Variants in LIN28B observed in about 807,000 individuals in gnomAD.
LIN28B encodes protein lin-28 homolog B.
A neutral mutation model predicts 21.9 loss-of-function variants in LIN28B; 5 were observed. The ratio of observed to expected loss-of-function variants is 0.23; its 90% CI spans 0.12 to 0.48. The LOEUF is 0.48. Ranked by LOEUF, LIN28B falls within the 20% of genes least tolerant of loss-of-function variation. The pLI, the probability that LIN28B is intolerant of heterozygous loss-of-function variation, is 0.98. For missense variants in LIN28B, 245 were observed against 310.5 expected (o/e 0.79, Z 1.58); for synonymous variants, 109 against 111.3 (o/e 0.98, Z 0.13).
At chr6:104,968,073 G>A (rs180952234) in intron 2 of LIN28B, among the ~76,000 whole-genome samples, 1 of 152,154 alleles carries the variant, frequency 6.6e-6, no homozygotes, top group Admixed American at 6.5e-5. Context: ...TTTAAAAAAT[G>A]ATTATAAAAA....
At chr6:105,030,546 T>C (rs960690334) in intron 3 of LIN28B, among the ~76,000 whole-genome samples, 1 of 151,958 alleles carries the variant, frequency 6.6e-6, no homozygotes, top group African/African-American at 2.4e-5. Context: ...AGATAATGTA[T>C]TGTATTTCAA....
Position 105,071,177 on chromosome 6 carries a change from C to T in LIN28B, c.384-7237C>T, listed in dbSNP as rs544846711. ...ACAGGCATGAGCCACTGCACCCGGC[C>T]GGTTTTTACATGCATTTGAAAATGC... On this transcript the variant is annotated intron_variant, in intron 3 of 3. Transcript: ENST00000345080. Among the ~76,000 whole-genome samples the T allele has an allele frequency of 7.9e-5, 12 of 152,176 alleles. No homozygotes were observed. In the South Asian group the frequency reaches 8.3e-4, roughly 11 times the overall value.
At chr6:104,947,104 C>T (rs1340701741) in intron 2 of LIN28B, among the ~76,000 whole-genome samples, 3 of 152,142 alleles carry the variant, frequency 2.0e-5, no homozygotes, top group Non-Finnish European at 2.9e-5. Context: ...CTTCATTTAT[C>T]TGAGCTTAAC....
At position 104,949,130 on chromosome 6, in the gene LIN28B, T is replaced by C. The variant is rs574253495; in HGVS notation, c.19-1331T>C. ...TTCTCTAAATATAAGCAGATAGGAT[T>C]AAGAATAGGCTGTGGACTATTAGAA... On this transcript the variant is annotated intron_variant, in intron 2 of 5. Transcript: ENST00000635857. Among the ~76,000 whole-genome samples, 6 of 152,318 alleles carry C rather than the reference T, an allele frequency of 3.9e-5. No homozygotes were observed. In the South Asian group the frequency reaches 1.2e-3, roughly 32 times the overall value.
chr6:105,034,619 A>G (rs1167148886), intron 3 of LIN28B, among the ~76,000 whole-genome samples: 2 of 152,080 alleles, frequency 1.3e-5, no homozygotes, highest in Admixed American at 1.3e-4. Context: ...AGTCAGTACT[A>G]AAATGGTACA....
chr6:105,036,140 A>G (rs895755266), intron 3 of LIN28B, among the ~76,000 whole-genome samples: 1 of 152,098 alleles, frequency 6.6e-6, no homozygotes, highest in African/African-American at 2.4e-5. Context: ...ACTCCGAACT[A>G]TAGATCAGTT....
intron 3 of LIN28B, among the ~76,000 whole-genome samples, chr6:105,070,969 T>A (rs957367007): frequency 6.6e-6 from 1 of 152,082 alleles, no homozygotes; most frequent in Non-Finnish European, 1.5e-5. Flanking sequence ...CTCTGCCTCC[T>A]GGGTTCAAGC....
intron 2 of LIN28B, among the ~76,000 whole-genome samples, chr6:104,944,325 C>T (rs1479961661): frequency 2.6e-5 from 4 of 152,000 alleles, no homozygotes; most frequent in Non-Finnish European, 2.9e-5. Context: ...TTTTAAAAAC[C>T]CGTTTAAGCA....
intron 3 of LIN28B, chr6:105,045,566 G>T (rs886334190): frequency 6.6e-6 from 1 of 152,112 alleles, no homozygotes; most frequent in African/African-American, 2.4e-5. Context: ...GATAATAGGT[G>T]TAAGCCACCA....
At chr6:105,070,012 C>T (rs977904617) in intron 3 of LIN28B, among the ~76,000 whole-genome samples, 23 of 152,098 alleles carry the variant, frequency 1.5e-4, no homozygotes, top group African/African-American at 5.3e-4. Context: ...TCCCCTCTTC[C>T]TTTCTGAGGC....
chr6:104,979,983 G>A (rs1198172804), intron 2 of LIN28B, among the ~76,000 whole-genome samples: 2 of 152,074 alleles, frequency 1.3e-5, no homozygotes, highest in African/African-American at 2.4e-5. Flanking sequence ...CAGAATTATA[G>A]CAATATGTCT....
chr6:105,015,441 C>T (rs9500012), intron 2 of LIN28B, among the ~76,000 whole-genome samples: 3,260 of 151,984 alleles, frequency 0.021, 137 homozygotes, highest in African/African-American at 0.075. Flanking sequence ...TAGATGTAGA[C>T]GGCAAAGAGT....
At chr6:105,040,439 G>T (rs887113474) in intron 3 of LIN28B, among the ~76,000 whole-genome samples, 3 of 151,914 alleles carry the variant, frequency 2.0e-5, no homozygotes, top group African/African-American at 7.2e-5. Flanking sequence ...ATAAATAATA[G>T]ATTTCTTCTT....
chr6:105,020,292 A>T (rs1771111673), intron 2 of LIN28B, among the ~76,000 whole-genome samples: 1 of 151,194 alleles, frequency 6.6e-6, no homozygotes, highest in Non-Finnish European at 1.5e-5. Context: ...CATATTATTT[A>T]AAAATCCTTT....
At chr6:104,999,040 C>T (rs1048801136) in intron 2 of LIN28B, among the ~76,000 whole-genome samples, 5 of 151,338 alleles carry the variant, frequency 3.3e-5, no homozygotes, top group African/African-American at 9.7e-5. Context: ...GCATCGTTAT[C>T]GAAAATGGGC....
intron 3 of LIN28B, among the ~76,000 whole-genome samples, chr6:105,071,069 GT>G (rs548907827): frequency 3.7e-4 from 56 of 152,208 alleles, no homozygotes; most frequent in Non-Finnish European, 6.5e-4. Flanking sequence ...TAGAGACGGA[GT>G]TTCACTGTGT....
chr6:105,059,497 T>G (rs1437430147), intron 3 of LIN28B, among the ~76,000 whole-genome samples: 2 of 152,226 alleles, frequency 1.3e-5, no homozygotes, highest in African/African-American at 4.8e-5. Context: ...TCTCCAGAGA[T>G]GCACATCCAC....
At chr6:105,065,876 T>C (rs1772210175) in intron 3 of LIN28B, among the ~76,000 whole-genome samples, 1 of 152,176 alleles carries the variant, frequency 6.6e-6, no homozygotes, top group Non-Finnish European at 1.5e-5. Context: ...GTAATAATAA[T>C]GCAGGGGGCT....
At chr6:104,944,721 ATT>A (rs1778136627) in intron 2 of LIN28B, among the ~76,000 whole-genome samples, 3 of 152,112 alleles carry the variant, frequency 2.0e-5, no homozygotes, top group African/African-American at 7.2e-5. Context: ...GTTGTAATAC[ATT>A]TAATATATCA....
Sources: gnomAD v4.1 joint callset for allele counts (sites outside exome capture counted in the v4.1 genomes callset) on GRCh38, gnomAD v4.1.1 for gene constraint, MANE v1.5 for transcripts, NCBI Gene and HGNC (gene_info 2026-07-23, HGNC 2026-07-21) for gene names.